The following TOX3 variants were observed in gnomAD, a reference collection of about 807,000 sequenced individuals.
TOX3 encodes the protein CAG trinucleotide repeat-containing gene F9 protein.
A neutral mutation model predicts 64.3 loss-of-function variants in TOX3; 22 were observed. That is an observed-to-expected ratio of 0.34 (90% confidence interval 0.24 to 0.49). The LOEUF (loss-of-function observed/expected upper bound fraction) is 0.49. TOX3 is among the 20% of genes least tolerant of loss of function. TOX3 has a pLI of 0.99. For synonymous variants in TOX3, 291 were observed against 273.6 expected (o/e 1.06, Z -0.63); for missense variants, 661 against 714.4 (o/e 0.93, Z 0.85).
chr16:52,448,870 A>G (rs62043285), intron 4 of TOX3, among the ~76,000 whole-genome samples: 5,025 of 151,880 alleles, frequency 0.033, 119 homozygotes, highest in Middle Eastern at 0.085. Context: ...GTCAAATTCA[A>G]CTCTAACATC....
At chr16:52,518,745 T>A (rs998660594) in intron 1 of TOX3, among the ~76,000 whole-genome samples, 7 of 152,258 alleles carry the variant, frequency 4.6e-5, no homozygotes, top group African/African-American at 1.4e-4. Flanking sequence ...TTGAGTTTAA[T>A]GTTCATTTGA....
chr16:52,510,813 T>G (rs940782059), intron 1 of TOX3, among the ~76,000 whole-genome samples: 2 of 150,204 alleles, frequency 1.3e-5, no homozygotes, highest in Non-Finnish European at 3.0e-5. Flanking sequence ...AAAATTTGTC[T>G]TCTGGCTCTC....
chr16:52,449,574 G>C (rs1253986612), intron 4 of TOX3, among the ~76,000 whole-genome samples: 2 of 152,042 alleles, frequency 1.3e-5, no homozygotes, highest in African/African-American at 4.8e-5. Flanking sequence ...TCCCCAAAGG[G>C]GAATCTCATT....
chr16:52,516,326 TA>T (rs1962453543), intron 1 of TOX3, among the ~76,000 whole-genome samples: 1 of 152,264 alleles, frequency 6.6e-6, no homozygotes, highest in South Asian at 2.1e-4. Flanking sequence ...GATTTCCCAA[TA>T]TACAGATAGA....
rs373967931 is a variant in TOX3 at position 52,516,954 on chromosome 16, C to T, written c.87+29683G>A. The stretch of plus-strand genomic sequence containing the variant: ...CCAAAACTCTGTTATACCATGACAC[C>T]TAAAAATAATTCCTACAGAGACTTA... On this transcript the variant is annotated intron_variant, in intron 1 of 6. Coordinates refer to ENST00000219746, the MANE Select transcript of TOX3 (RefSeq NM_001080430.4). Among the ~76,000 whole-genome samples, 12 of 152,228 alleles carry T rather than the reference C, an allele frequency of 7.9e-5. 1 individual carries two copies. The South Asian group carries it at 1.2e-3, about 16-fold the overall frequency.
At chr16:52,518,068 A>T (rs1411478510) in intron 1 of TOX3, among the ~76,000 whole-genome samples, 1 of 152,140 alleles carries the variant, frequency 6.6e-6, no homozygotes, top group African/African-American at 2.4e-5. Flanking sequence ...CCCGCATAAG[A>T]TCTGCATTTT....
At position 52,547,025 on chromosome 16, in the gene TOX3, C is replaced by T. The variant is rs1171664096; in HGVS notation, c.-302G>A. 4 of 893,874 alleles carry T rather than the reference C, an allele frequency of 4.5e-6. No homozygotes were observed. The Admixed American group carries it at 2.6e-4, about 57-fold the overall frequency. The allele number at this position is 893,874 out of a possible 1,614,324, so 55.4% of individuals were successfully genotyped here. ...GGGGCGCGGGGCGCGGCGCTGGGGCCCGGGTCGGCGAGGCGAGTTCAGGTG... is the reference window on the plus strand; with the variant it reads ...GGGGCGCGGGGCGCGGCGCTGGGGCTCGGGTCGGCGAGGCGAGTTCAGGTG... On this transcript the variant is annotated 5_prime_UTR_variant, in exon 1 of 7. Coordinates refer to ENST00000219746, the MANE Select transcript of TOX3 (RefSeq NM_001080430.4).
intron 1 of TOX3, among the ~76,000 whole-genome samples, chr16:52,488,770 C>G (rs145976249): frequency 1.1e-3 from 172 of 152,242 alleles, no homozygotes; most frequent in African/African-American, 4.0e-3. Context: ...GATATACACA[C>G]AGAGAGAGAC....
intron 6 of TOX3, among the ~76,000 whole-genome samples, chr16:52,440,685 T>C (rs1959942176): frequency 6.6e-6 from 1 of 151,974 alleles, no homozygotes; most frequent in Non-Finnish European, 1.5e-5. Context: ...ATTGGGCAAG[T>C]TAATTTACTC....
chr16:52,439,455 T>G lies in TOX3; in HGVS notation c.1501A>C (p.Ile501Leu). Reference protein sequence around the residue: ...QQQQQHLQQQINQQQLQQQLQ... With the variant: ...QQQQQHLQQQLNQQQLQQQLQ... Reference sequence around the variant, plus strand: ...TGCTGCTGCAGCTGCTGTTGATTAATTTGCTGCTGGAGATGCTGCTGCTGC... The same window carrying G: ...TGCTGCTGCAGCTGCTGTTGATTAAGTTGCTGCTGGAGATGCTGCTGCTGC... The change falls in exon 7 of 7, where the codon ATT becomes CTT. Residue 501 changes from isoleucine (I) to leucine (L), a missense_variant. By Grantham distance (5) the Ile-to-Leu change is conservative (BLOSUM62 2). Coordinates refer to ENST00000219746, the MANE Select transcript of TOX3 (RefSeq NM_001080430.4). 1 of 1,494,444 alleles carries G rather than the reference T, an allele frequency of 6.7e-7. No individual in the cohort carries two copies. The highest frequency in any genetic ancestry group is 9.1e-7 in the Non-Finnish European group (1 of 1,094,504). The allele number at this position is 1,494,444 out of a possible 1,614,324, so 92.6% of individuals were successfully genotyped here.
chr16:52,513,744 G>T (rs1962372815), intron 1 of TOX3, among the ~76,000 whole-genome samples: 1 of 152,096 alleles, frequency 6.6e-6, no homozygotes, highest in Admixed American at 6.6e-5. Context: ...TTAAAATAAG[G>T]GGATGTTCAC....
chr16:52,473,238 T>C (rs1567323864), intron 1 of TOX3, among the ~76,000 whole-genome samples: 2 of 152,084 alleles, frequency 1.3e-5, no homozygotes. Flanking sequence ...TTCAGCTTGA[T>C]GCGTCCACAC....
chr16:52,517,327 C>T (rs553826975), intron 1 of TOX3, among the ~76,000 whole-genome samples: 81 of 152,230 alleles, frequency 5.3e-4, no homozygotes, highest in African/African-American at 1.8e-3. Flanking sequence ...AAGAAGGGTG[C>T]GCCACCTCCA....
chr16:52,503,651 G>A (rs1962067562), intron 1 of TOX3, among the ~76,000 whole-genome samples: 1 of 152,140 alleles, frequency 6.6e-6, no homozygotes, highest in Admixed American at 6.5e-5. Flanking sequence ...TAATATTTAA[G>A]CTGTACTGAC....
intron 3 of TOX3, among the ~76,000 whole-genome samples, chr16:52,453,920 A>C (rs1168807330): frequency 6.6e-6 from 1 of 152,194 alleles, no homozygotes; most frequent in Non-Finnish European, 1.5e-5. Flanking sequence ...CTGTGTGTTT[A>C]TTACTATGAG....
intron 1 of TOX3, among the ~76,000 whole-genome samples, chr16:52,478,030 T>C (rs1567326125): frequency 6.6e-6 from 1 of 152,186 alleles, no homozygotes; most frequent in Non-Finnish European, 1.5e-5. Context: ...TCTATACTAA[T>C]GGCCAGGTGA....
At chr16:52,453,958 ACTTT>A (rs1386822774) in intron 3 of TOX3, among the ~76,000 whole-genome samples, 2 of 152,234 alleles carry the variant, frequency 1.3e-5, no homozygotes, top group African/African-American at 4.8e-5. Flanking sequence ...CTTAATATGC[ACTTT>A]CTAATTTAAT....
chr16:52,505,541 G>A (rs977738885), intron 1 of TOX3, among the ~76,000 whole-genome samples: 30 of 152,170 alleles, frequency 2.0e-4, no homozygotes, highest in Admixed American at 1.8e-3. Context: ...CATGAAGCTC[G>A]TGACTGGATT....
intron 3 of TOX3, among the ~76,000 whole-genome samples, chr16:52,453,340 T>C (rs961695852): frequency 1.3e-5 from 2 of 151,934 alleles, no homozygotes; most frequent in Admixed American, 6.6e-5. Context: ...CGCACCACCA[T>C]ACCCAGCTAA....
Sources: gnomAD v4.1 joint callset for allele counts (sites outside exome capture counted in the v4.1 genomes callset) on GRCh38, gnomAD v4.1.1 for gene constraint, MANE v1.5 for transcripts, NCBI Gene and HGNC (gene_info 2026-07-23, HGNC 2026-07-21) for gene names.